The following TRIM29 variants were observed in gnomAD, a reference collection of about 807,000 sequenced individuals.
The protein encoded by TRIM29 is tripartite motif-containing protein 29.
Under a neutral mutation model 57.3 loss-of-function variants are expected in TRIM29, and 52 were observed. The observed-to-expected ratio is 0.91, with a 90% CI of 0.73 to 1.14. The LOEUF is 1.14. Ranked by LOEUF, TRIM29 falls within the 50% of genes most tolerant of loss-of-function variation. The pLI is 0.00. For missense variants in TRIM29, 753 were observed against 774.6 expected (o/e 0.97, Z 0.33); for synonymous variants, 319 against 316.9 (o/e 1.01, Z -0.07).
chr11:120,115,547 T>C (rs1177343843), intron 7 of TRIM29, 133 bp from the exon 8 acceptor site: 3 of 748,066 alleles, frequency 4.0e-6, no homozygotes, highest in Admixed American at 2.9e-5. Context: ...TGCAGCCGTC[T>C]GAACACGCGT....
intron 2 of TRIM29, 111 bp downstream of exon 2, chr11:120,128,289 T>C (rs899395413): frequency 1.9e-5 from 16 of 836,358 alleles, no homozygotes; most frequent in African/African-American, 6.7e-5. Context: ...AGAAGAAACA[T>C]ATTGGGATGT....
intron 1 of TRIM29, among the ~76,000 whole-genome samples, chr11:120,130,684 G>C (rs1435601134): frequency 6.6e-6 from 1 of 152,242 alleles, no homozygotes; most frequent in Non-Finnish European, 1.5e-5. Flanking sequence ...ATTTGGCACA[G>C]CGTGAGCACT....
At chr11:120,122,131 A>AGTGTGTGTGT (rs72245071) in intron 5 of TRIM29, 2,736 of 203,954 alleles carry the variant, frequency 0.013, 59 homozygotes, top group African/African-American at 0.053. Flanking sequence ...TGTGTGTGTG[A>AGTGTGTGTGT]GTGTGTGTGT....
chr11:120,122,280 A>AC (rs1487306004), intron 5 of TRIM29, among the ~76,000 whole-genome samples: 2 of 150,704 alleles, frequency 1.3e-5, no homozygotes, highest in East Asian at 3.9e-4. Context: ...ACAGGCACAC[A>AC]CCCTCATGGT....
chr11:120,122,866 G>C, intron 5 of TRIM29, 88 bp downstream of exon 5: 1 of 1,057,228 alleles, frequency 9.5e-7, no homozygotes. Flanking sequence ...CACTCAGAAG[G>C]AACCTGGCTG....
rs188803747 is a variant in TRIM29 at position 120,128,186 on chromosome 11, T to G, written c.900+214A>C. Among the ~76,000 whole-genome samples, 5 of 152,150 alleles carry G rather than the reference T, an allele frequency of 3.3e-5. No individual in the cohort carries two copies. In the East Asian group the frequency reaches 9.7e-4, roughly 29 times the overall value. On this transcript the variant is annotated intron_variant, in intron 2 of 8. Transcript: ENST00000341846. ...CTTTACTTGCTGGGATAATATGAAA[T>G]GGGCATTAGGTCACAGACAGGATCC... is the stretch of plus-strand genomic sequence containing the variant.
rs1271550273 is a variant in TRIM29 at position 120,112,149 on chromosome 11, AC to A, written c.*264del. 4.5e-6 allele frequency: 2 copies of A among 443,440 alleles called. No homozygotes were observed. Among genetic ancestry groups the A allele is most frequent in the Non-Finnish European group, 8.2e-6 (2 of 243,766 alleles). 27.5% of individuals were successfully genotyped at this position (443,440 alleles called of 1,614,324 possible). On this transcript the variant is annotated 3_prime_UTR_variant, in exon 9 of 9. Transcript: ENST00000341846. Reference sequence around the variant, plus strand: ...GTTAGGGCAGGCCCCAACCTATCTCACCCCTGTGATGGGTTGGCCTCTGAGC... The same window carrying A: ...GTTAGGGCAGGCCCCAACCTATCTCACCCTGTGATGGGTTGGCCTCTGAGC...
At chr11:120,122,841 A>T in intron 5 of TRIM29, 113 bp downstream of exon 5, 3 of 782,306 alleles carry the variant, frequency 3.8e-6, no homozygotes, top group Non-Finnish European at 6.5e-6. Flanking sequence ...GGCAAACTGG[A>T]CATGCCATCA....
chr11:120,135,179 T>G (rs1863794388), intron 1 of TRIM29, among the ~76,000 whole-genome samples: 1 of 152,152 alleles, frequency 6.6e-6, no homozygotes, highest in Admixed American at 6.5e-5. Flanking sequence ...AGAGATATCC[T>G]TGGTTGAGAC....
At chr11:120,113,736 C>T (rs921430132) in intron 8 of TRIM29, 4 of 455,102 alleles carry the variant, frequency 8.8e-6, no homozygotes, top group African/African-American at 2.0e-5. Context: ...TGGACCAGGT[C>T]TCCTGACCCC....
chr11:120,127,696 G>T, intron 2 of TRIM29, 127 bp from the exon 3 acceptor site: 1 of 801,006 alleles, frequency 1.2e-6, no homozygotes, highest in Non-Finnish European at 1.9e-6. Context: ...AACCTGGCAA[G>T]CCTATTTGGC....
intron 7 of TRIM29, chr11:120,116,819 G>T (rs1450225962): frequency 4.4e-6 from 1 of 229,854 alleles, no homozygotes; most frequent in Non-Finnish European, 8.9e-6. Context: ...ATGCTGGGGT[G>T]GCAGGTGGGG....
chr11:120,118,080 G>A (rs1266334058), intron 7 of TRIM29, 143 bp downstream of exon 7: 6 of 747,096 alleles, frequency 8.0e-6, no homozygotes, highest in East Asian at 2.7e-5. Flanking sequence ...AGACCATGGC[G>A]GTAGCTCCCG....
At chr11:120,114,317 C>A (rs1863212347) in intron 8 of TRIM29, among the ~76,000 whole-genome samples, 1 of 152,214 alleles carries the variant, frequency 6.6e-6, no homozygotes, top group Admixed American at 6.5e-5. Context: ...CTGCTTTCTG[C>A]AGTCCTGCTG....
chr11:120,111,344 A>G lies in TRIM29; in HGVS notation c.*1070T>C, dbSNP rs1451580808. 1.3e-5 allele frequency: 2 copies of G among 152,340 alleles called. No homozygotes were observed. Among genetic ancestry groups the G allele is most frequent in the African/African-American group, 4.8e-5 (2 of 41,406 alleles). 9.4% of individuals were successfully genotyped at this position (152,340 alleles called of 1,614,324 possible). Reference sequence around the variant, plus strand: ...CCCAAGCTGGATGTCTCCCTCCCCAACCCCTGCAAGCTGGCCCATCCTTCC... The same window carrying G: ...CCCAAGCTGGATGTCTCCCTCCCCAGCCCCTGCAAGCTGGCCCATCCTTCC... On this transcript the variant is annotated 3_prime_UTR_variant, in exon 9 of 9. Coordinates refer to ENST00000341846, the MANE Select transcript of TRIM29 (RefSeq NM_012101.4).
intron 1 of TRIM29, chr11:120,128,930 G>A: frequency 7.2e-7 from 1 of 1,384,606 alleles, no homozygotes; most frequent in Non-Finnish European, 9.4e-7. Flanking sequence ...GTAACAGTGT[G>A]CAGCGTTTCT....
chr11:120,114,742 G>T (rs1365460756), intron 8 of TRIM29, among the ~76,000 whole-genome samples: 1 of 152,190 alleles, frequency 6.6e-6, no homozygotes, highest in African/African-American at 2.4e-5. Flanking sequence ...CTCAGAGAGG[G>T]TATCTAATTC....
At chr11:120,121,403 GC>G (rs1310843890) in intron 5 of TRIM29, 2 of 155,280 alleles carry the variant, frequency 1.3e-5, no homozygotes, top group Non-Finnish European at 2.9e-5. Context: ...CCCTTTAGGG[GC>G]CTTGTTTCTT....
intron 6 of TRIM29, among the ~76,000 whole-genome samples, chr11:120,120,172 TG>T (rs570527011): frequency 1.1e-4 from 13 of 117,438 alleles, no homozygotes; most frequent in Admixed American, 4.1e-4. Flanking sequence ...CTCATACTTG[TG>T]GGGGGGGTGG....
Sources: allele counts gnomAD v4.1 joint callset (sites outside exome capture counted in the v4.1 genomes callset), GRCh38; gene constraint gnomAD v4.1.1; transcripts MANE v1.5; gene names NCBI Gene and HGNC (gene_info 2026-07-23, HGNC 2026-07-21).